Variants in PTBP3 observed in about 807,000 individuals in gnomAD.
PTBP3 encodes polypyrimidine tract binding protein 3.
In PTBP3, 20 loss-of-function variants were observed where a neutral mutation model predicts 58.7. The ratio of observed to expected loss-of-function variants is 0.34; its 90% CI spans 0.24 to 0.50. The LOEUF is 0.50. Among genes scored for constraint, PTBP3 ranks in the 20% least tolerant of loss-of-function variants. The pLI is 0.98. For synonymous variants in PTBP3, 185 were observed against 219.8 expected (o/e 0.84, Z 1.40); for missense variants, 509 against 637.2 (o/e 0.80, Z 2.17).
At chr9:112,267,251 C>T (rs999719808) in intron 4 of PTBP3, among the ~76,000 whole-genome samples, 9 of 151,796 alleles carry the variant, frequency 5.9e-5, no homozygotes, top group South Asian at 2.1e-4. Flanking sequence ...CCGCAAGCTC[C>T]GCCTCCCAGG....
At chr9:112,304,912 T>C (rs1829111559) in intron 1 of PTBP3, among the ~76,000 whole-genome samples, 4 of 152,206 alleles carry the variant, frequency 2.6e-5, no homozygotes, top group Admixed American at 2.6e-4. Context: ...TTTTAAATTA[T>C]AGTGTTTTGT....
chr9:112,349,532 T>C, the PTBP3 span, among the ~76,000 whole-genome samples: 6 of 152,052 alleles, frequency 3.9e-5, no homozygotes, highest in Admixed American at 6.6e-5. Context: ...ACTTGAACCC[T>C]TAACCTGTGG....
rs182294405 is a variant in PTBP3 at position 112,264,376 on chromosome 9, C to T, written c.352-1777G>A. ...CATACAATAATGACTCCTATTAACA[C>T]GACCATTTCTCAAATGCTGTATCTC... On this transcript the variant is annotated intron_variant, in intron 4 of 13. Transcript: ENST00000374257. 1.6e-3 allele frequency among the ~76,000 whole-genome samples: 244 copies of T among 152,254 alleles called. 1 individual carries two copies. Among genetic ancestry groups the T allele is most frequent in the African/African-American group, 5.6e-3 (233 of 41,542 alleles).
chr9:112,232,040 A>AGAAAG (rs370750857), intron 9 of PTBP3, 59 bp downstream of exon 9: 300 of 1,390,572 alleles, frequency 2.2e-4, no homozygotes, highest in Non-Finnish European at 2.4e-4. Context: ...AAAGAAAGAA[A>AGAAAG]AAAGTGCTAC....
the PTBP3 span, among the ~76,000 whole-genome samples, chr9:112,364,305 T>C: frequency 6.6e-6 from 1 of 151,062 alleles, no homozygotes; most frequent in African/African-American, 2.4e-5. Flanking sequence ...CCCTAGTTAT[T>C]TGCAAAGCAG....
At chr9:112,364,102 T>C in the PTBP3 span, among the ~76,000 whole-genome samples, 1 of 151,210 alleles carries the variant, frequency 6.6e-6, no homozygotes, top group South Asian at 2.1e-4. Context: ...TGTGTACCCT[T>C]TCCAGACTGG....
chr9:112,367,363 G>T, the PTBP3 span, among the ~76,000 whole-genome samples: 1 of 152,114 alleles, frequency 6.6e-6, no homozygotes, highest in African/African-American at 2.4e-5. Flanking sequence ...TCAACACAAA[G>T]AACTCCCTTT....
chr9:112,359,986 A>G, the PTBP3 span, among the ~76,000 whole-genome samples: 1 of 152,230 alleles, frequency 6.6e-6, no homozygotes, highest in African/African-American at 2.4e-5. Context: ...ATTAAAGAGG[A>G]ACTTTCAGTT....
chr9:112,275,803 T>C, intron 3 of PTBP3, 41 bp downstream of exon 3: 1 of 1,500,996 alleles, frequency 6.7e-7, no homozygotes, highest in Non-Finnish European at 9.2e-7. Flanking sequence ...TACTAACATC[T>C]GGAGATAATC....
the PTBP3 span, among the ~76,000 whole-genome samples, chr9:112,347,516 ATT>A: frequency 6.6e-6 from 1 of 151,722 alleles, no homozygotes; most frequent in Middle Eastern, 3.2e-3. Context: ...TAATATTTGT[ATT>A]TTTTTGTGGA....
At chr9:112,252,906 G>T (rs1466494711) in intron 5 of PTBP3, 118 bp from the exon 6 acceptor site, 1 of 643,602 alleles carries the variant, frequency 1.6e-6, no homozygotes, top group Admixed American at 3.1e-5. Flanking sequence ...GAAAACTTTG[G>T]TACCAAAATG....
chr9:112,240,850 T>G (rs1294724851), intron 7 of PTBP3, among the ~76,000 whole-genome samples: 2 of 151,916 alleles, frequency 1.3e-5, no homozygotes, highest in Admixed American at 1.3e-4. Flanking sequence ...TAGGCTAACG[T>G]GTGTATGTGT....
intron 1 of PTBP3, among the ~76,000 whole-genome samples, chr9:112,321,138 T>C (rs1317890554): frequency 6.6e-6 from 1 of 152,130 alleles, no homozygotes; most frequent in South Asian, 2.1e-4. Context: ...ATTCACAATA[T>C]ATAAAGAATT....
chr9:112,365,298 T>C, the PTBP3 span, among the ~76,000 whole-genome samples: 6 of 152,198 alleles, frequency 3.9e-5, no homozygotes, highest in Non-Finnish European at 2.9e-5. Context: ...GCTCCCATAA[T>C]TCCCATGTGT....
chr9:112,241,045 T>C (rs541096680), intron 7 of PTBP3, among the ~76,000 whole-genome samples: 1 of 152,090 alleles, frequency 6.6e-6, no homozygotes, highest in Non-Finnish European at 1.5e-5. Flanking sequence ...AAATTAAGAG[T>C]TTATGAAGTT....
chr9:112,347,342 T>A, the PTBP3 span, among the ~76,000 whole-genome samples: 1 of 33,022 alleles, frequency 3.0e-5, no homozygotes. Flanking sequence ...CTGGGATACC[T>A]TTTTTTTTTT....
At chr9:112,308,841 C>A (rs1829352022) in intron 1 of PTBP3, among the ~76,000 whole-genome samples, 1 of 152,128 alleles carries the variant, frequency 6.6e-6, no homozygotes. Context: ...CTTGTCAGCT[C>A]TCTGGCTAAG....
intron 1 of PTBP3, among the ~76,000 whole-genome samples, chr9:112,314,738 G>T (rs547063282): frequency 1.3e-5 from 2 of 151,758 alleles, no homozygotes; most frequent in Non-Finnish European, 2.9e-5. Context: ...CTACAATTGC[G>T]GACAGAAATT....
chr9:112,377,958 CT>C, the PTBP3 span, among the ~76,000 whole-genome samples: 16 of 152,344 alleles, frequency 1.1e-4, no homozygotes, highest in African/African-American at 3.6e-4. Context: ...CAGGTTACTA[CT>C]TTTCTTACAC....
Sources: allele counts gnomAD v4.1 joint callset (sites outside exome capture counted in the v4.1 genomes callset), GRCh38; gene constraint gnomAD v4.1.1; transcripts MANE v1.5; gene names NCBI Gene and HGNC (gene_info 2026-07-23, HGNC 2026-07-21).